The following CHCHD6 variants were observed in gnomAD, a reference collection of about 807,000 sequenced individuals.
CHCHD6 encodes the protein MICOS complex subunit MIC25.
In CHCHD6, 28 loss-of-function variants were observed where a neutral mutation model predicts 32.3. The observed-to-expected ratio is 0.87, with a 90% CI of 0.64 to 1.19. The LOEUF (loss-of-function observed/expected upper bound fraction) is 1.19. CHCHD6 is among the 50% of genes most tolerant of loss of function. The pLI, the probability that CHCHD6 is intolerant of heterozygous loss-of-function variation, is 0.00. For missense variants in CHCHD6, 333 were observed against 307.0 expected, an observed-to-expected ratio of 1.08 and a Z score of -0.63; for synonymous variants, 122 against 117.5, an observed-to-expected ratio of 1.04 and a Z score of -0.25.
chr3:126,908,258 G>T (rs1480458490), intron 5 of CHCHD6, among the ~76,000 whole-genome samples: 2 of 152,196 alleles, frequency 1.3e-5, no homozygotes, highest in African/African-American at 4.8e-5. Flanking sequence ...GCGTGGGAAA[G>T]GTTCCAGGTT....
At chr3:126,863,555 C>A (rs1942059493) in intron 5 of CHCHD6, among the ~76,000 whole-genome samples, 1 of 133,386 alleles carries the variant, frequency 7.5e-6, no homozygotes, top group African/African-American at 3.3e-5. Flanking sequence ...ACCATCACCA[C>A]CTCCTCCTCC....
chr3:126,845,585 T>C (rs987056291), intron 4 of CHCHD6, among the ~76,000 whole-genome samples: 4 of 152,212 alleles, frequency 2.6e-5, no homozygotes, highest in Non-Finnish European at 2.9e-5. Flanking sequence ...ATTAAATATA[T>C]GCTTTGGATA....
At chr3:126,920,654 C>T (rs1356141316) in intron 6 of CHCHD6, among the ~76,000 whole-genome samples, 1 of 152,222 alleles carries the variant, frequency 6.6e-6, no homozygotes, top group African/African-American at 2.4e-5. Context: ...TTGTAGCTCC[C>T]TTCTCTCTGG....
At chr3:126,863,089 T>A (rs936170142) in intron 5 of CHCHD6, among the ~76,000 whole-genome samples, 1 of 30,186 alleles carries the variant, frequency 3.3e-5, no homozygotes, top group Non-Finnish European at 6.0e-5. Context: ...CTCCTCCTCC[T>A]CCACCATCAC....
At chr3:126,713,159 A>T (rs1487539081) in intron 1 of CHCHD6, among the ~76,000 whole-genome samples, 1 of 152,186 alleles carries the variant, frequency 6.6e-6, no homozygotes, top group Non-Finnish European at 1.5e-5. Context: ...TGGTGCTACC[A>T]GGCTATTTTT....
intron 6 of CHCHD6, among the ~76,000 whole-genome samples, chr3:126,954,679 AG>A (rs1225641760): frequency 6.6e-6 from 1 of 152,194 alleles, no homozygotes; most frequent in Non-Finnish European, 1.5e-5. Flanking sequence ...GCCAGGAACC[AG>A]GCTCACCAGG....
At chr3:126,880,437 C>T (rs538769737) in intron 5 of CHCHD6, among the ~76,000 whole-genome samples, 27 of 152,244 alleles carry the variant, frequency 1.8e-4, no homozygotes, top group Non-Finnish European at 1.0e-4. Flanking sequence ...TGTGATCTCA[C>T]ACAGAACAGA....
rs956411448 is a variant in CHCHD6, at chr3:126,743,878, C to G, written c.411+10656C>G. Among the ~76,000 whole-genome samples the G allele has an allele frequency of 3.3e-5, 5 of 152,180 alleles. No individual in the cohort carries two copies. In the East Asian group the frequency reaches 9.6e-4, roughly 29 times the overall value. Reference sequence around the variant, plus strand: ...GAGGTCTTACGTGGTCATATGTGAACCTAATACTGTAGGGAAACCTGATTG... The same window carrying G: ...GAGGTCTTACGTGGTCATATGTGAAGCTAATACTGTAGGGAAACCTGATTG... On this transcript the variant is annotated intron_variant, in intron 4 of 7. Transcript: ENST00000290913.
At chr3:126,738,163 C>G (rs1936131230) in intron 4 of CHCHD6, among the ~76,000 whole-genome samples, 1 of 152,186 alleles carries the variant, frequency 6.6e-6, no homozygotes, top group African/African-American at 2.4e-5. Context: ...CCCAGATGCT[C>G]CAGGTAGCTG....
In CHCHD6 at chr3:126,957,484, C is replaced by G; in HGVS notation, c.635C>G (p.Pro212Arg). ...ATTCTCCACTGCTACCGAGATCGCCCGCATGAGGTGCTGCTGTGCTCGGAC... is the reference window on the plus strand; with the variant it reads ...ATTCTCCACTGCTACCGAGATCGCCGGCATGAGGTGCTGCTGTGCTCGGAC... Reference protein sequence around the residue: ...AQILHCYRDRPHEVLLCSDLV... With the variant: ...AQILHCYRDRRHEVLLCSDLV... The change falls in exon 7 of 8, where the codon CCG becomes CGG. Residue 212 changes from proline to arginine, a missense_variant. Transcript: ENST00000290913. The G allele has an allele frequency of 1.9e-6, 3 of 1,606,232 alleles. No individual in the cohort carries two copies. The highest frequency in any genetic ancestry group is 2.5e-6 in the Non-Finnish European group (3 of 1,176,640).
At chr3:126,874,424 C>T (rs985307092) in intron 5 of CHCHD6, among the ~76,000 whole-genome samples, 1 of 152,146 alleles carries the variant, frequency 6.6e-6, no homozygotes, top group Admixed American at 6.5e-5. Context: ...GGAGAGGGCA[C>T]AAGCAGCTGA....
At chr3:126,845,724 A>G (rs955927190) in intron 4 of CHCHD6, among the ~76,000 whole-genome samples, 3 of 152,130 alleles carry the variant, frequency 2.0e-5, no homozygotes, top group Admixed American at 6.5e-5. Context: ...GCTCCGTCCA[A>G]TATGCTAATA....
At chr3:126,921,515 C>T (rs1007690079) in intron 6 of CHCHD6, among the ~76,000 whole-genome samples, 2 of 151,910 alleles carry the variant, frequency 1.3e-5, no homozygotes, top group Non-Finnish European at 1.5e-5. Context: ...CTTCAGTCTG[C>T]TTCCCGTGGG....
At chr3:126,954,012 C>G (rs2078751498) in intron 6 of CHCHD6, among the ~76,000 whole-genome samples, 1 of 152,156 alleles carries the variant, frequency 6.6e-6, no homozygotes, top group African/African-American at 2.4e-5. Context: ...AAGGCCTAGC[C>G]CTGCCTTGCT....
chr3:126,947,154 C>CGATGTGT (rs1200100665), intron 6 of CHCHD6, among the ~76,000 whole-genome samples: 1 of 152,244 alleles, frequency 6.6e-6, no homozygotes, highest in Non-Finnish European at 1.5e-5. Flanking sequence ...TGGCCACCTA[C>CGATGTGT]GATGTGTGCG....
intron 5 of CHCHD6, among the ~76,000 whole-genome samples, chr3:126,912,229 G>A (rs2078100831): frequency 6.6e-6 from 1 of 152,242 alleles, no homozygotes; most frequent in South Asian, 2.1e-4. Context: ...TCATGAAGGG[G>A]AACTTCAGAC....
intron 4 of CHCHD6, among the ~76,000 whole-genome samples, chr3:126,775,744 C>A (rs1937627591): frequency 6.6e-6 from 1 of 152,146 alleles, no homozygotes; most frequent in Non-Finnish European, 1.5e-5. Context: ...CTTTTATCTT[C>A]AAGGGTGAGG....
chr3:126,789,401 T>A (rs1938405019), intron 4 of CHCHD6, among the ~76,000 whole-genome samples: 1 of 152,238 alleles, frequency 6.6e-6, no homozygotes, highest in Non-Finnish European at 1.5e-5. Context: ...CTCGTTGATC[T>A]GTCTAATGTT....
At chr3:126,910,297 A>AAAAAAAACG (rs2078071047) in intron 5 of CHCHD6, among the ~76,000 whole-genome samples, 1 of 151,848 alleles carries the variant, frequency 6.6e-6, no homozygotes, top group African/African-American at 2.4e-5. Flanking sequence ...CAAAAAAAAC[A>AAAAAAAACG]AATCTTCCCT....
Sources: allele counts gnomAD v4.1 joint callset (sites outside exome capture counted in the v4.1 genomes callset), GRCh38; gene constraint gnomAD v4.1.1; transcripts MANE v1.5; gene names NCBI Gene and HGNC (gene_info 2026-07-23, HGNC 2026-07-21).